PTPRD: variants seen among roughly 807,000 people sequenced by gnomAD.
PTPRD encodes the protein protein tyrosine phosphatase receptor type D, also known as receptor-type tyrosine-protein phosphatase delta.
In PTPRD, 34 loss-of-function variants were observed where a neutral mutation model predicts 214.5. That is an observed-to-expected ratio of 0.16 (90% CI 0.12 to 0.21). PTPRD has a LOEUF of 0.21. Ranked by LOEUF, PTPRD falls within the 10% of genes least tolerant of loss-of-function variation. The pLI is 1.00. For synonymous variants in PTPRD, 1,128 were observed against 845.7 expected (o/e 1.33, Z -5.79); for missense variants, 2,545 against 2,398.7 (o/e 1.06, Z -1.27).
intron 12 of PTPRD, among the ~76,000 whole-genome samples, chr9:8,659,061 A>G (rs1403293774): frequency 7.0e-6 from 1 of 142,278 alleles, no homozygotes; most frequent in African/African-American, 2.7e-5. Context: ...AACAATGTCA[A>G]AAGAAGTAAC....
At chr9:8,427,147 C>G (rs940293327) in intron 35 of PTPRD, among the ~76,000 whole-genome samples, 8 of 152,140 alleles carry the variant, frequency 5.3e-5, no homozygotes, top group African/African-American at 1.7e-4. Flanking sequence ...CCAATCTTTG[C>G]TATAAAAGCG....
intron 2 of PTPRD, among the ~76,000 whole-genome samples, chr9:10,595,380 A>G (rs556950677): frequency 8.3e-4 from 126 of 152,020 alleles, no homozygotes; most frequent in African/African-American, 3.0e-3. Flanking sequence ...AATAGCCAAT[A>G]ATTACTTCCA....
chr9:8,331,380 TTTTTGGGGCTAAA>T (rs1217640296), intron 44 of PTPRD, among the ~76,000 whole-genome samples, 189 bp downstream of exon 44: 10 of 149,862 alleles, frequency 6.7e-5, no homozygotes, highest in Non-Finnish European at 1.5e-4. Context: ...GATAAACATT[TTTTTGGGGCTAAA>T]CATTTTCCTC....
chr9:8,540,678 CTT>C (rs1476430456), intron 14 of PTPRD, among the ~76,000 whole-genome samples: 2 of 152,058 alleles, frequency 1.3e-5, no homozygotes, highest in Non-Finnish European at 2.9e-5. Context: ...TTAAGCCAAA[CTT>C]TCAAAAATTT....
At chr9:9,413,100 CTTTTTTTTTTTT>C (rs5896325) in intron 8 of PTPRD, among the ~76,000 whole-genome samples, 2 of 63,020 alleles carry the variant, frequency 3.2e-5, no homozygotes, top group Non-Finnish European at 5.2e-5. Context: ...CTTGCAGCTT[CTTTTTTTTTTTT>C]TTTTTTTTTT....
At position 8,685,445 on chromosome 9, in the gene PTPRD, T is replaced by C. The variant is rs117496895; in HGVS notation, c.64+48335A>G. ...ACACAGCCACAATGTTTCCATTTTG[T>C]TGGAGTTTCAGAAGAACTCCTGTGG... On this transcript the variant is annotated intron_variant, in intron 12 of 45. Coordinates refer to ENST00000381196, the MANE Select transcript of PTPRD (RefSeq NM_002839.4). Among the ~76,000 whole-genome samples the C allele has an allele frequency of 3.5e-4, 53 of 152,286 alleles. 1 individual carries two copies. In the East Asian group the frequency reaches 9.7e-3, roughly 28 times the overall value.
At chr9:8,372,100 C>A (rs1357827403) in intron 39 of PTPRD, among the ~76,000 whole-genome samples, 1 of 152,026 alleles carries the variant, frequency 6.6e-6, no homozygotes, top group Non-Finnish European at 1.5e-5. Flanking sequence ...CTCTCTAACA[C>A]ATAGCATCAA....
At chr9:10,579,541 T>A (rs1400365668) in intron 2 of PTPRD, among the ~76,000 whole-genome samples, 1 of 152,216 alleles carries the variant, frequency 6.6e-6, no homozygotes, top group Non-Finnish European at 1.5e-5. Flanking sequence ...GTTGGTTCCA[T>A]GTCTTTTCTA....
intron 11 of PTPRD, among the ~76,000 whole-genome samples, chr9:8,800,758 C>G (rs765043409): frequency 7.9e-5 from 12 of 152,206 alleles, no homozygotes; most frequent in African/African-American, 1.4e-4. Context: ...TCACTTTACT[C>G]TATGGACTCG....
intron 11 of PTPRD, among the ~76,000 whole-genome samples, chr9:8,839,186 G>GA (rs1344336568): frequency 7.2e-5 from 11 of 151,932 alleles, no homozygotes; most frequent in African/African-American, 2.7e-4. Context: ...AAACATAAGG[G>GA]AAAAATTATC....
rs1390597992 is a variant in PTPRD at position 9,484,051 on chromosome 9, T to C, written c.-236-86569A>G. On this transcript the variant is annotated intron_variant, in intron 8 of 45. Transcript: ENST00000381196. The stretch of plus-strand genomic sequence containing the variant: ...TCTTTGTATCCTTTTTATAAACTAA[T>C]GACCAGCTGCATTTTATATTTAAGT... Among the ~76,000 whole-genome samples, 6 of 152,066 alleles carry C rather than the reference T, an allele frequency of 3.9e-5. No homozygotes were observed. In the South Asian group the frequency reaches 1.2e-3, roughly 32 times the overall value.
rs572144071 is a variant in PTPRD at position 8,863,658 on chromosome 9, T to A, written c.-103-129712A>T. Among the ~76,000 whole-genome samples the A allele has an allele frequency of 5.9e-5, 9 of 152,320 alleles. No homozygotes were observed. In the South Asian group the frequency reaches 1.5e-3, roughly 25 times the overall value. On this transcript the variant is annotated intron_variant, in intron 11 of 45. Transcript: ENST00000381196. ...TATAAACATTTTGAGGCCACCTATCTTTACATTTTGCAGCATTTTTAAAAA... is the reference window on the plus strand; with the variant it reads ...TATAAACATTTTGAGGCCACCTATCATTACATTTTGCAGCATTTTTAAAAA...
At chr9:8,859,935 C>G (rs1452666442) in intron 11 of PTPRD, 1 of 152,098 alleles carries the variant, frequency 6.6e-6, no homozygotes, top group Non-Finnish European at 1.5e-5. Flanking sequence ...GGTTTACCCT[C>G]CAATCATTCT....
At chr9:9,812,683 C>G (rs2047513408) in intron 5 of PTPRD, among the ~76,000 whole-genome samples, 1 of 151,908 alleles carries the variant, frequency 6.6e-6, no homozygotes, top group South Asian at 2.1e-4. Context: ...ATAAACAGGA[C>G]TGAAAGGAAA....
intron 11 of PTPRD, among the ~76,000 whole-genome samples, chr9:8,801,122 C>T (rs1211993735): frequency 6.6e-6 from 1 of 152,134 alleles, no homozygotes; most frequent in African/African-American, 2.4e-5. Flanking sequence ...TTCTCTCTTG[C>T]TGGAGTCACA....
intron 6 of PTPRD, among the ~76,000 whole-genome samples, chr9:9,765,999 C>A (rs1239410201): frequency 1.3e-5 from 2 of 152,150 alleles, no homozygotes; most frequent in Admixed American, 1.3e-4. Context: ...CAATTTTTCT[C>A]TTGTTAATTT....
chr9:9,467,588 C>CAAAAGAAAAAA (rs2094287275), intron 8 of PTPRD, among the ~76,000 whole-genome samples: 1 of 55,954 alleles, frequency 1.8e-5, no homozygotes, highest in Non-Finnish European at 3.2e-5. Context: ...CTCCATCTCC[C>CAAAAGAAAAAA]AAAAAAAAAA....
At chr9:9,718,729 G>C (rs910982543) in intron 7 of PTPRD, among the ~76,000 whole-genome samples, 4 of 152,198 alleles carry the variant, frequency 2.6e-5, no homozygotes, top group African/African-American at 7.2e-5. Context: ...CTGTACTTGG[G>C]GGCAGCACTG....
rs1042942294 is a variant in PTPRD, at chr9:9,090,801, T to C, written c.-142-72066A>G. On this transcript the variant is annotated intron_variant, in intron 10 of 45. Coordinates refer to ENST00000381196, the MANE Select transcript of PTPRD (RefSeq NM_002839.4). ...TAGCTGAGTTGCTGCATTCTTCAAA[T>C]AACTCTTAATGACATCTCAATGATA... 6.2e-5 allele frequency: 43 copies of C among 689,368 alleles called. No individual in the cohort carries two copies. The African/African-American group carries it at 7.4e-4, about 12-fold the overall frequency. 42.7% of individuals were successfully genotyped at this position (689,368 alleles called of 1,614,324 possible).
Sources: allele counts gnomAD v4.1 joint callset (sites outside exome capture counted in the v4.1 genomes callset), GRCh38; gene constraint gnomAD v4.1.1; transcripts MANE v1.5; gene names NCBI Gene and HGNC (gene_info 2026-07-23, HGNC 2026-07-21).